Variants in RBMS3 observed in about 807,000 individuals in gnomAD.
RBMS3 encodes RNA binding motif single stranded interacting protein 3, also known as RNA-binding motif, single-stranded-interacting protein 3.
In RBMS3, 27 loss-of-function variants were observed where a neutral mutation model predicts 66.8. The observed-to-expected ratio is 0.40, with a 90% confidence interval of 0.30 to 0.56. The LOEUF (loss-of-function observed/expected upper bound fraction) is 0.56. Among genes scored for constraint, RBMS3 ranks in the 20% least tolerant of loss-of-function variants. The probability of loss-of-function intolerance (pLI) is 0.40; values close to 1 mark genes in which losing one functional copy is unlikely to be tolerated. For missense variants in RBMS3, 513 were observed against 549.5 expected (o/e 0.93, Z 0.66); for synonymous variants, 188 against 183.0 (o/e 1.03, Z -0.22).
intron 10 of RBMS3, among the ~76,000 whole-genome samples, chr3:29,915,305 T>C (rs2060611425): frequency 6.6e-6 from 1 of 151,936 alleles, no homozygotes; most frequent in Non-Finnish European, 1.5e-5. Context: ...CCAGTTTTAC[T>C]GATCATAGAA....
chr3:29,646,003 G>T (rs2049905774), intron 4 of RBMS3, among the ~76,000 whole-genome samples: 1 of 152,262 alleles, frequency 6.6e-6, no homozygotes, highest in Non-Finnish European at 1.5e-5. Flanking sequence ...TGCTGGTTAT[G>T]CATTGGTATT....
chr3:29,916,684 T>C (rs2060644611), intron 10 of RBMS3, among the ~76,000 whole-genome samples: 1 of 151,980 alleles, frequency 6.6e-6, no homozygotes, highest in Non-Finnish European at 1.5e-5. Context: ...GTGGGTTGTA[T>C]TTCCAGAAAA....
chr3:29,631,586 A>G (rs975004007), intron 4 of RBMS3, among the ~76,000 whole-genome samples: 3 of 151,918 alleles, frequency 2.0e-5, no homozygotes, highest in African/African-American at 7.2e-5. Context: ...CAGGTCAAAC[A>G]CCAGAATCCC....
chr3:29,804,089 A>G (rs1049269653), intron 6 of RBMS3, among the ~76,000 whole-genome samples: 1 of 152,116 alleles, frequency 6.6e-6, no homozygotes, highest in Non-Finnish European at 1.5e-5. Context: ...ACCAGGTTTC[A>G]TGTAAATCAC....
At chr3:29,903,204 A>C (rs2149614129) in intron 10 of RBMS3, 1 of 152,032 alleles carries the variant, frequency 6.6e-6, no homozygotes. Flanking sequence ...TGGAAAGAAA[A>C]GAGATTTCTG....
intron 4 of RBMS3, among the ~76,000 whole-genome samples, chr3:29,658,163 G>A (rs1404233041): frequency 6.6e-6 from 1 of 152,160 alleles, no homozygotes. Flanking sequence ...TGATGTCTTA[G>A]CAGGAATTAA....
At chr3:29,579,264 G>A (rs2047239855) in intron 3 of RBMS3, among the ~76,000 whole-genome samples, 1 of 152,182 alleles carries the variant, frequency 6.6e-6, no homozygotes, top group Admixed American at 6.5e-5. Context: ...TTCGGTTGTG[G>A]GGAAGAGTAA....
chr3:29,545,278 A>T (rs1020789751), intron 3 of RBMS3, among the ~76,000 whole-genome samples: 1 of 152,144 alleles, frequency 6.6e-6, no homozygotes, highest in Non-Finnish European at 1.5e-5. Flanking sequence ...TCTGGATTTG[A>T]TGATAATCTC....
In RBMS3 at chr3:29,734,802, G is replaced by T. The variant is rs369556632; in HGVS notation, c.400-4918G>T. On this transcript the variant is annotated intron_variant, in intron 4 of 14. Coordinates refer to ENST00000383767, the MANE Select transcript of RBMS3 (RefSeq NM_001003793.3). ...ATATGTAATTTGGTGTCCGTTGAGTGTAATGATGAAAAGTTGGACTTGCAT... is the reference window on the plus strand; with the variant it reads ...ATATGTAATTTGGTGTCCGTTGAGTTTAATGATGAAAAGTTGGACTTGCAT... Among the ~76,000 whole-genome samples, 16 of 152,152 alleles carry T rather than the reference G, an allele frequency of 1.1e-4. No homozygotes were observed. The East Asian group carries it at 2.9e-3, about 28-fold the overall frequency.
At chr3:29,535,236 G>A (rs1041543981) in intron 3 of RBMS3, among the ~76,000 whole-genome samples, 7 of 152,122 alleles carry the variant, frequency 4.6e-5, no homozygotes, top group African/African-American at 1.7e-4. Flanking sequence ...AAAAATATTT[G>A]TGTGCTAGAG....
intron 4 of RBMS3, among the ~76,000 whole-genome samples, chr3:29,622,850 G>A (rs1181655566): frequency 6.6e-6 from 1 of 152,156 alleles, no homozygotes; most frequent in Non-Finnish European, 1.5e-5. Flanking sequence ...CAGGAGCGGT[G>A]GCTCACAGCT....
chr3:29,727,014 A>G (rs1319300731), intron 4 of RBMS3, among the ~76,000 whole-genome samples: 1 of 152,180 alleles, frequency 6.6e-6, no homozygotes, highest in African/African-American at 2.4e-5. Flanking sequence ...GTACCAAAAC[A>G]GATATATAGA....
At chr3:29,349,161 A>G (rs1362784399) in intron 1 of RBMS3, among the ~76,000 whole-genome samples, 2 of 152,160 alleles carry the variant, frequency 1.3e-5, no homozygotes, top group Admixed American at 6.5e-5. Context: ...CATTGATGAT[A>G]GATTTTTCTC....
At chr3:29,546,884 C>G (rs1207140289) in intron 3 of RBMS3, among the ~76,000 whole-genome samples, 3 of 152,188 alleles carry the variant, frequency 2.0e-5, no homozygotes, top group Non-Finnish European at 4.4e-5. Flanking sequence ...TGGAATCTAT[C>G]TAGAAATCTT....
intron 1 of RBMS3, among the ~76,000 whole-genome samples, chr3:29,320,350 T>G (rs1017875023): frequency 6.6e-6 from 1 of 152,038 alleles, no homozygotes; most frequent in Non-Finnish European, 1.5e-5. Flanking sequence ...TTTTAAATGC[T>G]CTAAAGGAAT....
At chr3:29,810,285 T>C (rs913592945) in intron 6 of RBMS3, among the ~76,000 whole-genome samples, 4 of 152,106 alleles carry the variant, frequency 2.6e-5, no homozygotes, top group African/African-American at 9.7e-5. Context: ...ACATCTCCAG[T>C]TATAAATTTT....
intron 10 of RBMS3, among the ~76,000 whole-genome samples, chr3:29,935,721 A>C (rs1458089940): frequency 6.6e-6 from 1 of 152,162 alleles, no homozygotes; most frequent in East Asian, 1.9e-4. Context: ...ATAACAAGAA[A>C]ATTAGAGAAT....
intron 12 of RBMS3, among the ~76,000 whole-genome samples, chr3:29,983,368 A>T (rs569972374): frequency 6.6e-6 from 1 of 151,684 alleles, no homozygotes; most frequent in East Asian, 1.9e-4. Flanking sequence ...CTCTTTATCC[A>T]ATTTGCCAGT....
rs1451746371 is a variant in RBMS3, at chr3:29,739,898, G to A, written c.557+21G>A. 5 of 1,502,696 alleles carry A rather than the reference G, an allele frequency of 3.3e-6. No individual in the cohort carries two copies. In the Admixed American group the frequency reaches 6.4e-5, roughly 19 times the overall value. The allele number at this position is 1,502,696 out of a possible 1,614,324, so 93.1% of individuals were successfully genotyped here. A position where few individuals can be genotyped will look rare whatever the true frequency, so the allele number is the denominator to read the frequency against. On this transcript the variant is annotated intron_variant, in intron 5 of 14. Coordinates refer to ENST00000383767, the MANE Select transcript of RBMS3 (RefSeq NM_001003793.3). ...GCCAGGTAAAATTCTTTCTTTGTAT[G>A]TAATCGTTCTTTCCTCATTGTTCCT...
Sources: gnomAD v4.1 joint callset for allele counts (sites outside exome capture counted in the v4.1 genomes callset) on GRCh38, gnomAD v4.1.1 for gene constraint, MANE v1.5 for transcripts, NCBI Gene and HGNC (gene_info 2026-07-23, HGNC 2026-07-21) for gene names.